FMN1: variants seen among roughly 807,000 people sequenced by gnomAD.
FMN1 encodes formin-1.
A neutral mutation model predicts 132.4 loss-of-function variants in FMN1; 110 were observed. The observed-to-expected ratio is 0.83, with a 90% confidence interval of 0.71 to 0.97. The LOEUF is 0.97. Among genes scored for constraint, FMN1 ranks in the 50% least tolerant of loss-of-function variants. FMN1 has a pLI of 0.00. For missense variants in FMN1, 1,792 were observed against 1,705.3 expected, an observed-to-expected ratio of 1.05 and a Z score of -0.90; for synonymous variants, 722 against 651.7, an observed-to-expected ratio of 1.11 and a Z score of -1.64.
intron 4 of FMN1, among the ~76,000 whole-genome samples, chr15:33,112,820 G>A (rs1054434769): frequency 3.3e-5 from 5 of 152,144 alleles, no homozygotes; most frequent in African/African-American, 9.7e-5. Flanking sequence ...GGCAAGAAAT[G>A]AAGGGCATTT....
chr15:33,064,209 AAAC>A (rs1210594584), intron 6 of FMN1: 7 of 152,352 alleles, frequency 4.6e-5, no homozygotes, highest in Middle Eastern at 3.4e-3. Flanking sequence ...CACCTAATAA[AAAC>A]AACAAATATA....
intron 8 of FMN1, 37 bp from the exon 9 acceptor site, chr15:32,964,294 A>G (rs2030966752): frequency 6.8e-7 from 1 of 1,475,188 alleles, no homozygotes; most frequent in Non-Finnish European, 9.2e-7. Flanking sequence ...CATAAGAACC[A>G]AAACAGGAAG....
At chr15:33,087,816 T>C (rs1270384671) in intron 5 of FMN1, among the ~76,000 whole-genome samples, 1 of 151,262 alleles carries the variant, frequency 6.6e-6, no homozygotes, top group African/African-American at 2.4e-5. Context: ...CATATACACA[T>C]ATATATACAT....
At chr15:32,821,108 T>TTTTTTTTTTTTTTTTTTTTTTTTTTTG (rs1229243106) in intron 17 of FMN1, among the ~76,000 whole-genome samples, 3 of 150,634 alleles carry the variant, frequency 2.0e-5, no homozygotes, top group Non-Finnish European at 4.4e-5. Context: ...ACAGATTTTC[T>TTTTTTTTTTTTTTTTTTTTTTTTTTTG]AAGATACAAT....
intron 6 of FMN1, among the ~76,000 whole-genome samples, chr15:33,051,116 T>C (rs931340614): frequency 5.9e-5 from 9 of 152,258 alleles, no homozygotes; most frequent in African/African-American, 1.9e-4. Flanking sequence ...TCGGGGGATA[T>C]AGAGTGAAGG....
intron 18 of FMN1, among the ~76,000 whole-genome samples, chr15:32,803,422 C>A (rs764161575): frequency 7.9e-5 from 12 of 152,170 alleles, no homozygotes; most frequent in Non-Finnish European, 1.6e-4. Flanking sequence ...ATGAGAACTG[C>A]TGATGATTAG....
chr15:32,828,714 G>GC (rs2058431372), intron 17 of FMN1, among the ~76,000 whole-genome samples: 1 of 152,140 alleles, frequency 6.6e-6, no homozygotes, highest in African/African-American at 2.4e-5. Context: ...AAGGGATTTA[G>GC]CCCTACCACT....
intron 7 of FMN1, among the ~76,000 whole-genome samples, chr15:32,977,190 T>C (rs2032278478): frequency 6.6e-6 from 1 of 152,194 alleles, no homozygotes; most frequent in Non-Finnish European, 1.5e-5. Flanking sequence ...GTGAGAATAC[T>C]GGTATTGTGG....
chr15:32,791,385 A>G (rs1269149168), intron 19 of FMN1, among the ~76,000 whole-genome samples: 1 of 148,580 alleles, frequency 6.7e-6, no homozygotes, highest in African/African-American at 2.5e-5. Flanking sequence ...TTTTTCCTTC[A>G]GGGCTGTTGT....
chr15:33,174,444 C>T (rs1200142627), intron 3 of FMN1, among the ~76,000 whole-genome samples: 3 of 152,148 alleles, frequency 2.0e-5, no homozygotes, highest in African/African-American at 7.2e-5. Context: ...GAACCGCTTC[C>T]ATTCTGAGCC....
chr15:32,942,713 A>G (rs2061426158), intron 9 of FMN1, among the ~76,000 whole-genome samples: 1 of 152,236 alleles, frequency 6.6e-6, no homozygotes, highest in African/African-American at 2.4e-5. Context: ...ACATTTGAAC[A>G]TACTCAGTTC....
intron 9 of FMN1, among the ~76,000 whole-genome samples, chr15:32,959,756 C>T (rs1383572794): frequency 2.6e-5 from 4 of 152,162 alleles, no homozygotes; most frequent in Non-Finnish European, 5.9e-5. Context: ...TAATAAATGA[C>T]CAAATGCTTT....
chr15:32,923,985 T>C lies in FMN1; in HGVS notation c.3226+2189A>G, dbSNP rs201253462. Among the ~76,000 whole-genome samples the C allele has an allele frequency of 7.9e-5, 12 of 152,282 alleles. No homozygotes were observed. In the East Asian group the frequency reaches 2.3e-3, roughly 29 times the overall value. ...AGACCGTTCTGTGATACCTGAAGAATCCCTAACTTCAATAACTGCTTCAAA... is the reference window on the plus strand; with the variant it reads ...AGACCGTTCTGTGATACCTGAAGAACCCCTAACTTCAATAACTGCTTCAAA... On this transcript the variant is annotated intron_variant, in intron 10 of 20. Coordinates refer to ENST00000616417, the MANE Select transcript of FMN1 (RefSeq NM_001277313.2).
chr15:33,061,044 C>T (rs901099381), intron 6 of FMN1, among the ~76,000 whole-genome samples: 2 of 152,182 alleles, frequency 1.3e-5, no homozygotes, highest in Non-Finnish European at 2.9e-5. Context: ...CAGGTTCTCC[C>T]TCTGAACTTC....
At chr15:32,818,169 G>T (rs1012102222) in intron 17 of FMN1, among the ~76,000 whole-genome samples, 18 of 152,012 alleles carry the variant, frequency 1.2e-4, no homozygotes, top group African/African-American at 4.3e-4. Flanking sequence ...AAATTATATT[G>T]AATGTAATGT....
chr15:32,910,167 T>C (rs908207067), intron 11 of FMN1, among the ~76,000 whole-genome samples: 1 of 152,208 alleles, frequency 6.6e-6, no homozygotes, highest in Non-Finnish European at 1.5e-5. Context: ...ATCATTTCAG[T>C]AGGCAGCTTA....
At chr15:32,906,333 CAGA>C (rs1209716670) in intron 12 of FMN1, among the ~76,000 whole-genome samples, 11 of 152,164 alleles carry the variant, frequency 7.2e-5, no homozygotes, top group Middle Eastern at 3.2e-3. Flanking sequence ...AAAGAGTCAA[CAGA>C]AGGACAACAT....
At chr15:32,851,258 G>C (rs575971623) in intron 17 of FMN1, among the ~76,000 whole-genome samples, 56 of 152,154 alleles carry the variant, frequency 3.7e-4, no homozygotes, top group Non-Finnish European at 2.2e-4. Flanking sequence ...GCTGGGATTA[G>C]AGCTAGTTTA....
chr15:33,013,022 G>A, intron 6 of FMN1: 1 of 411,160 alleles, frequency 2.4e-6, no homozygotes, highest in Non-Finnish European at 4.7e-6. Context: ...CAAAACCAAG[G>A]AGGCTATAGG....
Sources: gnomAD v4.1 joint callset for allele counts (sites outside exome capture counted in the v4.1 genomes callset) on GRCh38, gnomAD v4.1.1 for gene constraint, MANE v1.5 for transcripts, NCBI Gene and HGNC (gene_info 2026-07-23, HGNC 2026-07-21) for gene names.